VPS13D: variants seen among roughly 807,000 people sequenced by gnomAD.
The protein encoded by VPS13D is vacuolar protein sorting 13 homolog D, also known as intermembrane lipid transfer protein VPS13D.
A neutral mutation model predicts 461.9 loss-of-function variants in VPS13D; 187 were observed. The ratio of observed to expected loss-of-function variants is 0.40; its 90% confidence interval spans 0.36 to 0.46. VPS13D has a LOEUF of 0.46. VPS13D is among the 20% of genes least tolerant of loss of function. The pLI is 0.60. For missense variants in VPS13D, 4,711 were observed against 5,364.9 expected, an observed-to-expected ratio of 0.88 and a Z score of 3.81; for synonymous variants, 1,951 against 1,986.3, an observed-to-expected ratio of 0.98 and a Z score of 0.47.
At position 12,308,477 on chromosome 1, in the gene VPS13D, C is replaced by T. The variant is rs1428758482; in HGVS notation, c.6486C>T (p.Asp2162=). 3 of 1,614,104 alleles carry T rather than the reference C, an allele frequency of 1.9e-6. No homozygotes were observed. Among genetic ancestry groups the T allele is most frequent in the East Asian group, 2.2e-5 (1 of 44,878 alleles). The change falls in exon 27 of 70, where the codon GAC becomes GAT. Residue 2162 remains aspartate, a synonymous_variant. Transcript: ENST00000620676. ...ATTGCGTTGTCGTGGATCTCCAGGA[C>T]ATGGACATCTTTGCTGCAGAGAGAC... The part of the protein sequence containing the change: ...LLDCVVVDLQ[D]MDIFAAERHP...
chr1:12,393,926 TC>T lies in VPS13D; in HGVS notation c.11635-6253del, dbSNP rs776687294. On this transcript the variant is annotated intron_variant, in intron 60 of 69. Coordinates refer to ENST00000620676, the MANE Select transcript of VPS13D (RefSeq NM_015378.4). ...CTAAAACTCCATTAATTACTTGACC[TC>T]CATAAGCCCCTACTTTAACTGGAGG... Among the ~76,000 whole-genome samples the T allele has an allele frequency of 1.5e-3, 236 of 152,290 alleles. 1 individual carries two copies. Among genetic ancestry groups the T allele is most frequent in the Non-Finnish European group, 2.4e-3 (163 of 68,004 alleles).
At chr1:12,274,374 C>T (rs905041829) in intron 18 of VPS13D, among the ~76,000 whole-genome samples, 1 of 152,158 alleles carries the variant, frequency 6.6e-6, no homozygotes, top group Admixed American at 6.5e-5. Context: ...CAGGGTTTCG[C>T]CATGTTGGCC....
In VPS13D at chr1:12,304,553, G is replaced by A; in HGVS notation, c.6264G>A (p.Leu2088=). The A allele has an allele frequency of 6.2e-7, 1 of 1,614,112 alleles. No individual in the cohort carries two copies. Among genetic ancestry groups the A allele is most frequent in the Non-Finnish European group, 8.5e-7 (1 of 1,180,006 alleles). The change falls in exon 26 of 70, where the codon CTG becomes CTA. Residue 2088 remains leucine (L), a synonymous_variant. Transcript: ENST00000620676. ...CAACGGGTATTCCCAAACACAGTCT[G>A]AGGAAAACGACAAGCACGGAGGAGC... ...ASPTGIPKHS[L]RKTTSTEEPR...
At chr1:12,335,890 T>C in intron 39 of VPS13D, 63 bp downstream of exon 39, 1 of 1,604,064 alleles carries the variant, frequency 6.2e-7, no homozygotes, top group Non-Finnish European at 8.5e-7. Flanking sequence ...AATGCTTCAC[T>C]GAGAAATTCA....
Position 12,416,640 on chromosome 1 carries a change from C to T in VPS13D, c.12166-20C>T, listed in dbSNP as rs1226653737. On this transcript the variant is annotated intron_variant, in intron 64 of 69. Transcript: ENST00000620676. ...AAGTAGATGCTGATTGGACTTTTCT[C>T]TTCCTGTTCCATTTGGCAGGAACTC... 3 of 1,609,142 alleles carry T rather than the reference C, an allele frequency of 1.9e-6. No individual in the cohort carries two copies. The highest frequency in any genetic ancestry group is 2.2e-5 in the East Asian group (1 of 44,834).
chr1:12,253,910 T>G, intron 7 of VPS13D, 84 bp downstream of exon 7: 42 of 1,053,050 alleles, frequency 4.0e-5, no homozygotes, highest in South Asian at 5.6e-5. Context: ...CTTTTGTCTC[T>G]TGCCTCTCTG....
At chr1:12,327,516 A>G in intron 35 of VPS13D, 132 bp from the exon 36 acceptor site, 2 of 379,376 alleles carry the variant, frequency 5.3e-6, no homozygotes, top group Non-Finnish European at 9.4e-6. Flanking sequence ...AAGTCCAAGA[A>G]TACTTCTGGG....
At position 12,495,021 on chromosome 1, in the gene VPS13D, A is replaced by G. The variant is rs1176475897; in HGVS notation, c.12663-2479A>G. 6.6e-6 allele frequency among the ~76,000 whole-genome samples: 1 copy of G among 152,248 alleles called. No individual in the cohort carries two copies. Among genetic ancestry groups the G allele is most frequent in the Non-Finnish European group, 1.5e-5 (1 of 68,048 alleles). On this transcript the variant is annotated intron_variant, in intron 67 of 69. Transcript: ENST00000620676. The surrounding 1 kb of genome is among the most constrained non-coding windows in gnomAD (Gnocchi z 4.0). ...GTTCTCCATCCCAGGAATGCAGTGA[A>G]TGAAACAAATTCCCCCTCTCCTGGA... is the stretch of plus-strand genomic sequence containing the variant.
At chr1:12,446,014 A>G (rs1205712278) in intron 65 of VPS13D, among the ~76,000 whole-genome samples, 2 of 152,246 alleles carry the variant, frequency 1.3e-5, no homozygotes, top group African/African-American at 2.4e-5. Context: ...ATGCAGGTCT[A>G]TCCTACCCAC....
At chr1:12,247,514 A>G (rs187574420) in intron 5 of VPS13D, among the ~76,000 whole-genome samples, 1 of 151,478 alleles carries the variant, frequency 6.6e-6, no homozygotes, top group Admixed American at 6.6e-5. Flanking sequence ...AAAAAAACCC[A>G]AAAAAAACAA....
Position 12,327,683 on chromosome 1 carries a change from A to G in VPS13D, c.8026A>G (p.Asn2676Asp). 6.2e-7 allele frequency: 1 copy of G among 1,614,084 alleles called. No individual in the cohort carries two copies. The highest frequency in any genetic ancestry group is 8.5e-7 in the Non-Finnish European group (1 of 1,180,006). Residue 2676 changes from asparagine (N) to aspartate (D), a missense_variant, in exon 36 of 70, where the codon AAT becomes GAT. Asn to Asp is a conservative substitution (Grantham distance 23, BLOSUM62 1). Transcript: ENST00000620676. The stretch of plus-strand genomic sequence containing the variant: ...AAAGGCAGCAAGTTGGTTGTTTAAG[A>G]ATGCGGAACCTCTGAAGTCTCTTTC... ...LKKAASWLFK[N>D]AEPLKSLSLA...
Position 12,383,034 on chromosome 1 carries a change from C to A in VPS13D, c.11249C>A (p.Thr3750Asn), listed in dbSNP as rs780039531. The change falls in exon 58 of 70, where the codon ACT becomes AAT. Residue 3750 changes from threonine (T) to asparagine (N), a missense_variant. Thr to Asn is a moderately conservative substitution (Grantham distance 65). Coordinates refer to ENST00000620676, the MANE Select transcript of VPS13D (RefSeq NM_015378.4). The stretch of plus-strand genomic sequence containing the variant: ...GCTGAAGTTGTTCTTGGTCCTGACA[C>A]TTCCATGGAGCTTTTGGGGCCAGTT... ...DGAEVVLGPD[T>N]SMELLGPVPP... 4 of 1,614,180 alleles carry A rather than the reference C, an allele frequency of 2.5e-6. No homozygotes were observed. Among genetic ancestry groups the A allele is most frequent in the Middle Eastern group, 1.6e-4 (1 of 6,062 alleles).
At chr1:12,320,684 C>T (rs1643012221) in intron 32 of VPS13D, among the ~76,000 whole-genome samples, 2 of 152,144 alleles carry the variant, frequency 1.3e-5, no homozygotes, top group South Asian at 4.1e-4. Context: ...ACAATACTAG[C>T]TTTGAATGGA....
chr1:12,355,940 A>G lies in VPS13D; in HGVS notation c.9721A>G (p.Ile3241Val). 1 of 1,610,032 alleles carries G rather than the reference A, an allele frequency of 6.2e-7. No individual in the cohort carries two copies. Among genetic ancestry groups the G allele is most frequent in the South Asian group, 1.1e-5 (1 of 90,678 alleles). Residue 3241 changes from isoleucine to valine, a missense_variant, in exon 48 of 70, where the codon ATT becomes GTT. Coordinates refer to ENST00000620676, the MANE Select transcript of VPS13D (RefSeq NM_015378.4). ...TTTCCCCCTCTGTAAAGAATTGCTC[A>G]TTCCACCTGGAACCCAAAACTATAT... is the stretch of plus-strand genomic sequence containing the variant. ...ENFPLCKELL[I>V]PPGTQNYMVR...
chr1:12,244,260 G>C lies in VPS13D; in HGVS notation c.190G>C (p.Val64Leu), dbSNP rs1209396169. The C allele has an allele frequency of 3.1e-6, 5 of 1,612,496 alleles. No individual in the cohort carries two copies. Among genetic ancestry groups the C allele is most frequent in the Non-Finnish European group, 4.2e-6 (5 of 1,179,446 alleles). The change falls in exon 4 of 70, where the codon GTA becomes CTA. Residue 64 changes from valine to leucine, a missense_variant. Around this residue, in one of 3 missense-constraint regions of VPS13D, gnomAD observed 4,411 missense variants for 4,937.8 expected, o/e 0.89. Transcript: ENST00000620676. ...FEVKAGFIGKVTLQIPFYRPH... is the reference protein window; with the variant it reads ...FEVKAGFIGKLTLQIPFYRPH... Reference sequence around the variant, plus strand: ...TCTCCTTCCAGGCTTCATTGGGAAAGTAACCCTTCAGATTCCCTTTTATCG... The same window carrying C: ...TCTCCTTCCAGGCTTCATTGGGAAACTAACCCTTCAGATTCCCTTTTATCG...
intron 65 of VPS13D, among the ~76,000 whole-genome samples, chr1:12,418,682 C>G (rs536770817): frequency 6.6e-6 from 1 of 152,238 alleles, no homozygotes; most frequent in Admixed American, 6.5e-5. Flanking sequence ...TTGAAAAATA[C>G]AGAGTGAAGA....
chr1:12,369,364 A>G (rs1644085540), intron 53 of VPS13D, 103 bp from the exon 54 acceptor site: 1 of 994,076 alleles, frequency 1.0e-6, no homozygotes. Flanking sequence ...TGTAAGATTC[A>G]TTTAGGAAGG....
intron 55 of VPS13D, among the ~76,000 whole-genome samples, chr1:12,378,181 T>A (rs985290018): frequency 5.3e-5 from 8 of 152,212 alleles, no homozygotes; most frequent in Admixed American, 1.3e-4. Flanking sequence ...ATAATACGTT[T>A]GTTAAAATGC....
At chr1:12,303,491 G>T (rs891095983) in intron 25 of VPS13D, among the ~76,000 whole-genome samples, 41 of 152,212 alleles carry the variant, frequency 2.7e-4, no homozygotes, top group African/African-American at 9.9e-4. Flanking sequence ...TAAGTGAGAG[G>T]GAAAGGTTTT....
Sources: gnomAD v4.1 joint callset for allele counts (sites outside exome capture counted in the v4.1 genomes callset) on GRCh38, gnomAD v4.1.1 for gene constraint, gnomAD v4.1.1 regional missense constraint, Gnocchi (gnomAD v3.1) non-coding constraint, MANE v1.5 for transcripts, NCBI Gene and HGNC (gene_info 2026-07-23, HGNC 2026-07-21) for gene names.